PPP1CB: variants seen among roughly 807,000 people sequenced by gnomAD.
PPP1CB encodes the protein protein phosphatase 1 catalytic subunit beta.
A neutral mutation model predicts 43.7 loss-of-function variants in PPP1CB; 2 were observed. That is an observed-to-expected ratio of 0.05 (90% CI 0.02 to 0.14). The LOEUF is 0.14. Ranked by LOEUF, PPP1CB falls within the 10% of genes least tolerant of loss-of-function variation. The pLI is 1.00. For synonymous variants in PPP1CB, 136 were observed against 135.6 expected, an observed-to-expected ratio of 1.00 and a Z score of -0.02; for missense variants, 84 against 398.0, an observed-to-expected ratio of 0.21 and a Z score of 6.71.
chr2:28,761,472 T>G (rs533384280), intron 1 of PPP1CB, among the ~76,000 whole-genome samples: 1 of 152,356 alleles, frequency 6.6e-6, no homozygotes, highest in South Asian at 2.1e-4. Context: ...AGTAAGTGCC[T>G]TCAAACAATT....
intron 1 of PPP1CB, among the ~76,000 whole-genome samples, chr2:28,752,617 G>C (rs1346489524): frequency 6.6e-6 from 1 of 152,234 alleles, no homozygotes; most frequent in Non-Finnish European, 1.5e-5. Context: ...GGCTGCCTCC[G>C]ATTGTCGTTC....
chr2:28,751,902 T>G lies in PPP1CB; in HGVS notation c.-223T>G. On this transcript the variant is annotated 5_prime_UTR_variant, in exon 1 of 8. Transcript: ENST00000395366. ...ACGCGGCCCTGTTCGAGGGGGCCTC[T>G]CTTGTTTATTTATTTATTTTCCGTG... 3.4e-6 allele frequency: 2 copies of G among 591,342 alleles called. No individual in the cohort carries two copies. The highest frequency in any genetic ancestry group is 6.1e-6 in the Non-Finnish European group (2 of 325,564). The allele number at this position is 591,342 out of a possible 1,614,324, so 36.6% of individuals were successfully genotyped here.
Position 28,783,484 on chromosome 2 carries a change from G to A in PPP1CB, c.521-423G>A, listed in dbSNP as rs137951771. Among the ~76,000 whole-genome samples the A allele has an allele frequency of 9.9e-4, 151 of 152,288 alleles. 1 individual carries two copies. Among genetic ancestry groups the A allele is most frequent in the African/African-American group, 3.5e-3 (147 of 41,544 alleles). On this transcript the variant is annotated intron_variant, in intron 4 of 7. Transcript: ENST00000395366. ...TTTAAGACATTAAAAGGGGCAGGGC[G>A]CGGTGGCCCACGCCTGTAATCTCAG...
chr2:28,800,226 C>CTTTTTTTTTTTTTTTTTTTTTTTTG lies in PPP1CB; in HGVS notation c.*946_*947insTGTTTTTTTTTTTTTTTTTTTTTTT, dbSNP rs55736905. ...TTGGTTTTCTTTTTCTTTTTTCTTT[C>CTTTTTTTTTTTTTTTTTTTTTTTTG]TTTTTTTTTTTTTTTTTTTTTTTGA... is the stretch of plus-strand genomic sequence containing the variant. On this transcript the variant is annotated 3_prime_UTR_variant, in exon 8 of 8. Transcript: ENST00000395366. 3.0e-5 allele frequency: 2 copies of CTTTTTTTTTTTTTTTTTTTTTTTTG among 65,628 alleles called. No individual in the cohort carries two copies. The highest frequency in any genetic ancestry group is 5.4e-5 in the Non-Finnish European group (2 of 36,888). The allele number at this position is 65,628 out of a possible 1,614,324, so 4.1% of individuals were successfully genotyped here. A position where few individuals can be genotyped will look rare whatever the true frequency, so the allele number is the denominator to read the frequency against.
At chr2:28,776,567 C>G (rs1667049634) in intron 1 of PPP1CB, among the ~76,000 whole-genome samples, 1 of 152,092 alleles carries the variant, frequency 6.6e-6, no homozygotes, top group African/African-American at 2.4e-5. Flanking sequence ...GCCCTGAAAT[C>G]TTTTAAGTCT....
chr2:28,769,456 G>C (rs762096398), intron 1 of PPP1CB, among the ~76,000 whole-genome samples: 6 of 152,156 alleles, frequency 3.9e-5, no homozygotes, highest in African/African-American at 7.2e-5. Flanking sequence ...GGCTGGTCTA[G>C]AATTCTAAAT....
At chr2:28,790,464 C>T (rs1285078456) in intron 6 of PPP1CB, among the ~76,000 whole-genome samples, 1 of 152,020 alleles carries the variant, frequency 6.6e-6, no homozygotes, top group South Asian at 2.1e-4. Flanking sequence ...CTCAGCCTCC[C>T]GAGTAGCTGG....
At chr2:28,772,999 A>G (rs1041553113) in intron 1 of PPP1CB, among the ~76,000 whole-genome samples, 1 of 152,232 alleles carries the variant, frequency 6.6e-6, no homozygotes, top group African/African-American at 2.4e-5. Flanking sequence ...TCACAAATAC[A>G]TCAAATCAAT....
rs561293488 is a variant in PPP1CB, at chr2:28,762,303, T to C, written c.52+10127T>C. Among the ~76,000 whole-genome samples, 47 of 152,242 alleles carry C rather than the reference T, an allele frequency of 3.1e-4. No homozygotes were observed. The South Asian group carries it at 8.3e-3, about 27-fold the overall frequency. ...GTGTCTCTAAATAAATAAATAAATA[T>C]CTGTTCTTTAAGTAGCAACATATTA... is the stretch of plus-strand genomic sequence containing the variant. On this transcript the variant is annotated intron_variant, in intron 1 of 7. Transcript: ENST00000395366.
chr2:28,777,239 T>TA (rs1024694585), intron 2 of PPP1CB: 5 of 204,466 alleles, frequency 2.4e-5, no homozygotes, highest in Non-Finnish European at 4.9e-5. Flanking sequence ...AGAAAGGCGA[T>TA]ACAGTATAAA....
chr2:28,756,953 A>G (rs1277952533), intron 1 of PPP1CB, among the ~76,000 whole-genome samples: 1 of 152,230 alleles, frequency 6.6e-6, no homozygotes, highest in Non-Finnish European at 1.5e-5. Flanking sequence ...AGTATACTAT[A>G]GAGTTGTGCA....
intron 1 of PPP1CB, among the ~76,000 whole-genome samples, chr2:28,761,850 G>A (rs1666660998): frequency 1.3e-5 from 2 of 152,218 alleles, no homozygotes; most frequent in South Asian, 4.1e-4. Context: ...AGGAACTATA[G>A]GGCAGTGTAT....
Position 28,751,880 on chromosome 2 carries a change from C to A in PPP1CB, c.-245C>A. On this transcript the variant is annotated 5_prime_UTR_variant, in exon 1 of 8. Coordinates refer to ENST00000395366, the MANE Select transcript of PPP1CB (RefSeq NM_002709.3). ...AGGAGGTGGCGGCCTGGGTCTGACG[C>A]GGCCCTGTTCGAGGGGGCCTCTCTT... 1.7e-6 allele frequency: 1 copy of A among 578,582 alleles called. No individual in the cohort carries two copies. The highest frequency in any genetic ancestry group is 3.1e-6 in the Non-Finnish European group (1 of 317,818). 35.8% of individuals were successfully genotyped at this position (578,582 alleles called of 1,614,324 possible).
At position 28,796,340 on chromosome 2, in the gene PPP1CB, A is replaced by G. The variant is rs1009097498; in HGVS notation, c.879+2343A>G. On this transcript the variant is annotated intron_variant, in intron 7 of 7. Transcript: ENST00000395366. The stretch of plus-strand genomic sequence containing the variant: ...TAATGCTGTGAAAAATGACATTGGT[A>G]GTTTGATAAGAAGAGCATTGAATCT... Among the ~76,000 whole-genome samples, 165 of 152,182 alleles carry G rather than the reference A, an allele frequency of 1.1e-3. 2 individuals are homozygous for G. Among genetic ancestry groups the G allele is most frequent in the Non-Finnish European group, 1.0e-3 (69 of 68,040 alleles).
rs975544467 is a variant in PPP1CB at position 28,790,395 on chromosome 2, A to G, written c.744+1586A>G. 4.6e-5 allele frequency among the ~76,000 whole-genome samples: 7 copies of G among 152,260 alleles called. No individual in the cohort carries two copies. In the South Asian group the frequency reaches 6.2e-4, roughly 14 times the overall value. On this transcript the variant is annotated intron_variant, in intron 6 of 7. Transcript: ENST00000395366. The stretch of plus-strand genomic sequence containing the variant: ...CACTCTGTCACCTAGGCTGGAGTGC[A>G]GTGGCATGATCTCGGCTCACTGCAA...
At chr2:28,772,912 A>G (rs1261412002) in intron 1 of PPP1CB, among the ~76,000 whole-genome samples, 20 of 152,236 alleles carry the variant, frequency 1.3e-4, no homozygotes, top group Admixed American at 1.1e-3. Context: ...GTTAAACACA[A>G]TTATATGGAT....
chr2:28,755,870 T>A (rs1666478121), intron 1 of PPP1CB, among the ~76,000 whole-genome samples: 1 of 152,226 alleles, frequency 6.6e-6, no homozygotes. Context: ...ATAGTATGTC[T>A]ATTATGTGTC....
At chr2:28,752,224 C>T (rs1559036540) in intron 1 of PPP1CB, 48 bp downstream of exon 1, 2 of 1,482,256 alleles carry the variant, frequency 1.3e-6, no homozygotes, top group Middle Eastern at 2.1e-4. Context: ...GGCACCGCCG[C>T]CGACCCCTGC....
chr2:28,769,477 C>G (rs1434207296), intron 1 of PPP1CB, among the ~76,000 whole-genome samples: 1 of 152,120 alleles, frequency 6.6e-6, no homozygotes, highest in South Asian at 2.1e-4. Flanking sequence ...CTAGAATATC[C>G]TTCAATAGTA....
Sources: gnomAD v4.1 joint callset for allele counts (sites outside exome capture counted in the v4.1 genomes callset) on GRCh38, gnomAD v4.1.1 for gene constraint, MANE v1.5 for transcripts, NCBI Gene and HGNC (gene_info 2026-07-23, HGNC 2026-07-21) for gene names.